The following RAB28 variants were observed in gnomAD, a reference collection of about 807,000 sequenced individuals.
The protein encoded by RAB28 is ras-related protein Rab-28.
A neutral mutation model predicts 31.7 loss-of-function variants in RAB28; 24 were observed. The ratio of observed to expected loss-of-function variants is 0.76; its 90% CI spans 0.55 to 1.06. The LOEUF is 1.06. Among genes scored for constraint, RAB28 ranks in the 50% least tolerant of loss-of-function variants. RAB28 has a pLI of 0.00. For synonymous variants in RAB28, 100 were observed against 90.4 expected, an observed-to-expected ratio of 1.11 and a Z score of -0.60; for missense variants, 254 against 258.5, an observed-to-expected ratio of 0.98 and a Z score of 0.12.
chr4:13,423,261 C>G (rs751996239), intron 4 of RAB28, among the ~76,000 whole-genome samples: 3 of 152,070 alleles, frequency 2.0e-5, no homozygotes, highest in Non-Finnish European at 4.4e-5. Context: ...AGAGGCCAGG[C>G]GCAGTGGCTC....
At chr4:13,380,504 A>T (rs982647775) in intron 5 of RAB28, among the ~76,000 whole-genome samples, 11 of 151,638 alleles carry the variant, frequency 7.3e-5, no homozygotes, top group African/African-American at 2.7e-4. Flanking sequence ...TGAATAACTA[A>T]TAAAACTTTT....
chr4:13,475,604 C>T (rs1202170558), intron 2 of RAB28, among the ~76,000 whole-genome samples: 2 of 151,510 alleles, frequency 1.3e-5, no homozygotes, highest in African/African-American at 2.4e-5. Flanking sequence ...ATTATTTAAA[C>T]ATAGGTTGTT....
chr4:13,426,334 T>G (rs963372188), intron 4 of RAB28, among the ~76,000 whole-genome samples: 2 of 152,012 alleles, frequency 1.3e-5, no homozygotes, highest in Non-Finnish European at 2.9e-5. Context: ...CTAATGAGGA[T>G]GCAACATCAG....
chr4:13,425,782 T>G (rs1228308337), intron 4 of RAB28, among the ~76,000 whole-genome samples: 1 of 152,168 alleles, frequency 6.6e-6, no homozygotes, highest in Non-Finnish European at 1.5e-5. Flanking sequence ...GTTGTATTGT[T>G]TGTTTGTTTT....
intron 4 of RAB28, among the ~76,000 whole-genome samples, chr4:13,419,547 T>C (rs1712997021): frequency 6.6e-6 from 1 of 152,194 alleles, no homozygotes; most frequent in Non-Finnish European, 1.5e-5. Flanking sequence ...CACAACAAAC[T>C]GTCTCTAAGG....
At chr4:13,408,509 A>C (rs1229362764) in intron 4 of RAB28, among the ~76,000 whole-genome samples, 1 of 152,182 alleles carries the variant, frequency 6.6e-6, no homozygotes, top group Non-Finnish European at 1.5e-5. Flanking sequence ...TTTTGGTATC[A>C]GGATGATGCT....
chr4:13,397,463 T>C (rs944266587), intron 4 of RAB28, among the ~76,000 whole-genome samples: 1 of 152,130 alleles, frequency 6.6e-6, no homozygotes, highest in Non-Finnish European at 1.5e-5. Context: ...TTCTTCTGTA[T>C]GTAAAACAGA....
At chr4:13,412,937 G>A (rs1258769609) in intron 4 of RAB28, among the ~76,000 whole-genome samples, 1 of 151,750 alleles carries the variant, frequency 6.6e-6, no homozygotes, top group East Asian at 1.9e-4. Context: ...AGCAGAAAAA[G>A]ACACTACTGA....
chr4:13,382,005 A>T (rs1435185467), intron 4 of RAB28, among the ~76,000 whole-genome samples: 1 of 152,210 alleles, frequency 6.6e-6, no homozygotes. Context: ...GGCTTGAAAG[A>T]GTTTAATTAC....
chr4:13,396,703 A>C (rs981636013), intron 4 of RAB28, among the ~76,000 whole-genome samples: 1 of 152,080 alleles, frequency 6.6e-6, no homozygotes, highest in Non-Finnish European at 1.5e-5. Flanking sequence ...TTTCCTGTAT[A>C]CTAGTTTTTA....
At chr4:13,389,491 C>A (rs186587908) in intron 4 of RAB28, among the ~76,000 whole-genome samples, 56 of 152,116 alleles carry the variant, frequency 3.7e-4, no homozygotes, top group African/African-American at 1.2e-3. Flanking sequence ...CTTTCCAAAG[C>A]TACAGTTATT....
At chr4:13,479,694 G>A (rs956766393) in intron 1 of RAB28, among the ~76,000 whole-genome samples, 168 bp from the exon 2 acceptor site, 2 of 151,508 alleles carry the variant, frequency 1.3e-5, no homozygotes, top group African/African-American at 4.8e-5. Context: ...ACACCACCAG[G>A]TAAATTTTAC....
chr4:13,381,933 A>AAT (rs1300043976), intron 4 of RAB28, among the ~76,000 whole-genome samples: 1 of 152,204 alleles, frequency 6.6e-6, no homozygotes, highest in Non-Finnish European at 1.5e-5. Context: ...AGATCTACTT[A>AAT]ATATAGTACA....
At chr4:13,480,680 G>C (rs1716569596) in intron 1 of RAB28, among the ~76,000 whole-genome samples, 1 of 151,700 alleles carries the variant, frequency 6.6e-6, no homozygotes, top group Non-Finnish European at 1.5e-5. Context: ...AAATATTTTT[G>C]GGTTTAAATA....
At chr4:13,388,898 G>C (rs1203529947) in intron 4 of RAB28, among the ~76,000 whole-genome samples, 3 of 152,016 alleles carry the variant, frequency 2.0e-5, no homozygotes, top group Non-Finnish European at 2.9e-5. Context: ...TGGGGTTTCT[G>C]AGAAAGTTAA....
chr4:13,436,267 C>G (rs1024767523), intron 4 of RAB28, among the ~76,000 whole-genome samples: 2 of 152,056 alleles, frequency 1.3e-5, no homozygotes, highest in Non-Finnish European at 1.5e-5. Flanking sequence ...ACAGGCAAAA[C>G]TGGAAGCAAT....
At chr4:13,443,324 G>A (rs1405804528) in intron 4 of RAB28, among the ~76,000 whole-genome samples, 3 of 151,940 alleles carry the variant, frequency 2.0e-5, no homozygotes, top group African/African-American at 7.3e-5. Context: ...CAGGCACACA[G>A]CACCACATCC....
At chr4:13,369,745 T>C in intron 6 of RAB28, 1 of 927,506 alleles carries the variant, frequency 1.1e-6, no homozygotes, top group Non-Finnish European at 1.5e-6. Context: ...GTAGACGTGA[T>C]ATTAACTTCC....
chr4:13,452,813 C>A (rs1413284654), intron 4 of RAB28, among the ~76,000 whole-genome samples: 1 of 151,930 alleles, frequency 6.6e-6, no homozygotes, highest in Non-Finnish European at 1.5e-5. Flanking sequence ...AGTTTAAATC[C>A]AATGTTTATT....
Sources: allele counts gnomAD v4.1 joint callset (sites outside exome capture counted in the v4.1 genomes callset), GRCh38; gene constraint gnomAD v4.1.1; transcripts MANE v1.5; gene names NCBI Gene and HGNC (gene_info 2026-07-23, HGNC 2026-07-21).